ZNF843: variants seen among roughly 807,000 people sequenced by gnomAD.
The protein encoded by ZNF843 is zinc finger protein 843.
For missense variants in ZNF843, 482 were observed against 469.4 expected (o/e 1.03, Z -0.25); for synonymous variants, 185 against 207.7 (o/e 0.89, Z 0.94).
rs1259080920 is a variant in ZNF843, at chr16:31,436,891, G to T, written c.-42C>A. 1 of 1,460,984 alleles carries T rather than the reference G, an allele frequency of 6.8e-7. No homozygotes were observed. Among genetic ancestry groups the T allele is most frequent in the African/African-American group, 1.4e-5 (1 of 70,462 alleles). The allele number at this position is 1,460,984 out of a possible 1,614,324, so 90.5% of individuals were successfully genotyped here. A position where few individuals can be genotyped will look rare whatever the true frequency, so the allele number is the denominator to read the frequency against. ...ATGACCGCTCAGGGAGTAACTGTAC[G>T]GGAGGCTTTGCCGCACTTGGCGCAG... On this transcript the variant is annotated 5_prime_UTR_variant, in exon 2 of 2. Coordinates refer to ENST00000315678, the MANE Select transcript of ZNF843 (RefSeq NM_001136509.3).
intron 1 of ZNF843, among the ~76,000 whole-genome samples, chr16:31,442,153 G>A (rs2082203259): frequency 6.6e-6 from 1 of 152,202 alleles, no homozygotes. Flanking sequence ...GGAGGTGTTG[G>A]CCCGCCCCTT....
At chr16:31,439,671 T>G (rs1484840400) in intron 1 of ZNF843, among the ~76,000 whole-genome samples, 1 of 152,188 alleles carries the variant, frequency 6.6e-6, no homozygotes, top group Non-Finnish European at 1.5e-5. Flanking sequence ...AAATTCCATT[T>G]CTACAAAAAG....
In ZNF843 at chr16:31,436,533, A is replaced by C; in HGVS notation, c.317T>G (p.Leu106Arg). The change falls in exon 2 of 2, where the codon CTC (leucine) becomes CGC (arginine). Residue 106 changes from leucine (L) to arginine (R), a missense_variant. Leu to Arg is a moderately radical substitution (Grantham distance 102). Transcript: ENST00000315678. ...QGFSGQLCCW[L>R]TKEHTLAEAL... ...TTCGGCCAGTGTGTGCTCCTTGGTG[A>C]GCCAGCAGCAGAGCTGGCCGCTAAA... 6.5e-7 allele frequency: 1 copy of C among 1,549,848 alleles called. No homozygotes were observed. The highest frequency in any genetic ancestry group is 2.4e-5 in the East Asian group (1 of 40,860).
rs2082205930 is a variant in ZNF843 at position 31,442,710 on chromosome 16, C to G, written c.-410G>C. On this transcript the variant is annotated 5_prime_UTR_variant, in exon 1 of 2. Coordinates refer to ENST00000315678, the MANE Select transcript of ZNF843 (RefSeq NM_001136509.3). The stretch of plus-strand genomic sequence containing the variant: ...GGCCGAGCCGGGAGCGCCCCTGCCC[C>G]GCGAGCCGCCCCCGAGAGACACGGC... The G allele has an allele frequency of 6.6e-6, 1 of 152,208 alleles. No homozygotes were observed. Among genetic ancestry groups the G allele is most frequent in the African/African-American group, 2.4e-5 (1 of 41,438 alleles). The allele number at this position is 152,208 out of a possible 1,614,324, so 9.4% of individuals were successfully genotyped here.
At chr16:31,438,061 T>C (rs2082189610) in intron 1 of ZNF843, among the ~76,000 whole-genome samples, 1 of 152,212 alleles carries the variant, frequency 6.6e-6, no homozygotes, top group South Asian at 2.1e-4. Flanking sequence ...CTCATGCCTA[T>C]AATCCTAGCA....
intron 1 of ZNF843, among the ~76,000 whole-genome samples, chr16:31,440,194 T>G (rs376697396): frequency 6.6e-5 from 10 of 152,270 alleles, no homozygotes; most frequent in African/African-American, 2.4e-4. Context: ...GGTAAAAAAA[T>G]TTTTGGCTCC....
At position 31,436,886 on chromosome 16, in the gene ZNF843, T is replaced by G. The variant is rs1221501982; in HGVS notation, c.-37A>C. ...CGGAGATGACCGCTCAGGGAGTAAC[T>G]GTACGGGAGGCTTTGCCGCACTTGG... On this transcript the variant is annotated 5_prime_UTR_variant, in exon 2 of 2. Transcript: ENST00000315678. 1 of 1,468,594 alleles carries G rather than the reference T, an allele frequency of 6.8e-7. No homozygotes were observed. The highest frequency in any genetic ancestry group is 1.4e-5 in the African/African-American group (1 of 70,532). The allele number at this position is 1,468,594 out of a possible 1,614,324, so 91.0% of individuals were successfully genotyped here. A position where few individuals can be genotyped will look rare whatever the true frequency, so the allele number is the denominator to read the frequency against.
In ZNF843 at chr16:31,435,759, G is replaced by A. The variant is rs949421771; in HGVS notation, c.*44C>T. On this transcript the variant is annotated 3_prime_UTR_variant, in exon 2 of 2. Coordinates refer to ENST00000315678, the MANE Select transcript of ZNF843 (RefSeq NM_001136509.3). The stretch of plus-strand genomic sequence containing the variant: ...CTGCATCTCAGATCCACAGTCCACC[G>A]GCGGCTGCAACAATTCCACCCAGGG... The A allele has an allele frequency of 2.8e-6, 4 of 1,433,660 alleles. No individual in the cohort carries two copies. 88.8% of individuals were successfully genotyped at this position (1,433,660 alleles called of 1,614,324 possible).
rs760645914 is a variant in ZNF843 at position 31,436,313 on chromosome 16, C to G, written c.537G>C (p.Glu179Asp). ...CTGAGCTGGGTGCGAGGCTGACGCT[C>G]TCCACGCTCCCACCCCTGCAGGTCT... ...GEKTCRGGSV[E>D]SVSLAPSSVA... The change falls in exon 2 of 2, where the codon GAG becomes GAC. Residue 179 changes from glutamate to aspartate, a missense_variant. Physicochemically the swap from Glu to Asp is conservative, Grantham distance 45. Coordinates refer to ENST00000315678, the MANE Select transcript of ZNF843 (RefSeq NM_001136509.3). 3.9e-6 allele frequency: 6 copies of G among 1,547,612 alleles called. No individual in the cohort carries two copies. In the Admixed American group the frequency reaches 9.8e-5, roughly 25 times the overall value.
Position 31,436,466 on chromosome 16 carries a change from C to T in ZNF843, c.384G>A (p.Pro128=), listed in dbSNP as rs1178400671. ...LSPVPAGFWG[P]VEADRPPANS... The stretch of plus-strand genomic sequence containing the variant: ...TCGCTGGTGGCCGATCAGCTTCCAC[C>T]GGTCCCCAAAAACCTGCTGGTACTG... The change falls in exon 2 of 2, where the codon CCG becomes CCA. Residue 128 remains proline, a synonymous_variant. Transcript: ENST00000315678. 9.0e-6 allele frequency: 14 copies of T among 1,551,592 alleles called. No individual in the cohort carries two copies. Among genetic ancestry groups the T allele is most frequent in the East Asian group, 2.4e-5 (1 of 40,932 alleles).
In ZNF843 at chr16:31,435,887, G is replaced by GGGCGGTGGAGGAGCTC. The variant is rs1244806117; in HGVS notation, c.947_962dup (p.Asn323SerfsTer53). The GGGCGGTGGAGGAGCTC allele has an allele frequency of 2.6e-6, 4 of 1,541,220 alleles. No individual in the cohort carries two copies. The highest frequency in any genetic ancestry group is 3.5e-6 in the Non-Finnish European group (4 of 1,142,280). On this transcript the variant is annotated frameshift_variant, in exon 2 of 2. Transcript: ENST00000315678. LOFTEE classifies it low-confidence loss of function (END_TRUNC). The stretch of plus-strand genomic sequence containing the variant: ...GGGCTCCTCTCCAGTGTGGGTTCGA[G>GGGCGGTGGAGGAGCTC]GGCGGTGGAGGAGCTCGGCACTGTC...
In ZNF843 at chr16:31,437,152, G is replaced by A. The variant is rs1381910242; in HGVS notation, c.-303C>T. ...CTGCCGTGTCCAGTTCCTGCGGAAG[G>A]AAAGATTTCAGATCCCAGAGCCATC... On this transcript the variant is annotated 5_prime_UTR_variant, in exon 2 of 2. Transcript: ENST00000315678. The A allele has an allele frequency of 3.1e-6, 1 of 323,034 alleles. No individual in the cohort carries two copies. Among genetic ancestry groups the A allele is most frequent in the African/African-American group, 2.1e-5 (1 of 46,982 alleles). The allele number at this position is 323,034 out of a possible 1,614,324, so 20.0% of individuals were successfully genotyped here. A position where few individuals can be genotyped will look rare whatever the true frequency, so the allele number is the denominator to read the frequency against.
intron 1 of ZNF843, among the ~76,000 whole-genome samples, chr16:31,438,634 CCTCCCACTGAG>C (rs1346393579): frequency 6.6e-6 from 1 of 152,080 alleles, no homozygotes; most frequent in Non-Finnish European, 1.5e-5. Context: ...CAGGACCTGA[CCTCCCACTGAG>C]CTCCAAGCCT....
In ZNF843 at chr16:31,435,954, C is replaced by G. The variant is rs563212163; in HGVS notation, c.896G>C (p.Arg299Thr). The G allele has an allele frequency of 2.2e-4, 340 of 1,538,662 alleles. No homozygotes were observed. The highest frequency in any genetic ancestry group is 2.9e-4 in the Non-Finnish European group (327 of 1,140,654). The change falls in exon 2 of 2, where the codon AGA becomes ACA. Residue 299 changes from arginine to threonine, a missense_variant. Transcript: ENST00000315678. ...PEPARKASQH[R>T]AAGPLGEARA... ...GGCCTCGCCGAGCGGTCCGGCCGCT[C>G]TGTGCTGCGAGGCCTTCCGGGCTGG...
intron 1 of ZNF843, among the ~76,000 whole-genome samples, chr16:31,441,867 GA>G (rs2082202237): frequency 6.6e-6 from 1 of 152,202 alleles, no homozygotes; most frequent in African/African-American, 2.4e-5. Flanking sequence ...AATGTCACAA[GA>G]TAAATTTTAA....
intron 1 of ZNF843, among the ~76,000 whole-genome samples, chr16:31,438,614 G>T (rs1222101424): frequency 6.6e-6 from 1 of 151,938 alleles, no homozygotes; most frequent in Non-Finnish European, 1.5e-5. Context: ...CGGATACTTG[G>T]CTCTTATCTC....
chr16:31,436,511 G>A lies in ZNF843; in HGVS notation c.339C>T (p.Ala113=), dbSNP rs764834122. The A allele has an allele frequency of 1.3e-6, 2 of 1,551,132 alleles. No homozygotes were observed. Among genetic ancestry groups the A allele is most frequent in the East Asian group, 2.4e-5 (1 of 40,908 alleles). Residue 113 remains alanine, a synonymous_variant, in exon 2 of 2, where the codon GCC becomes GCT. Coordinates refer to ENST00000315678, the MANE Select transcript of ZNF843 (RefSeq NM_001136509.3). Reference sequence around the variant, plus strand: ...GTACTGGGGACAGACGCAGGGCTTCGGCCAGTGTGTGCTCCTTGGTGAGCC... The same window carrying A: ...GTACTGGGGACAGACGCAGGGCTTCAGCCAGTGTGTGCTCCTTGGTGAGCC... The part of the protein sequence containing the change: ...CCWLTKEHTL[A]EALRLSPVPA...
In ZNF843 at chr16:31,436,761, C is replaced by T. The variant is rs1423651295; in HGVS notation, c.89G>A (p.Arg30His). Residue 30 changes from arginine to histidine, a missense_variant, in exon 2 of 2, where the codon CGT becomes CAT. Physicochemically the swap from Arg to His is conservative, Grantham distance 29 (BLOSUM62 0). Transcript: ENST00000315678. Reference protein sequence around the residue: ...CCSTGRFTQGRQPCKCKACGR... With the variant: ...CCSTGRFTQGHQPCKCKACGR... ...GCAGGCCTTGCACTTGCAGGGCTGA[C>T]GGCCCTGGGTGAATCTGCCGGTGCT... The T allele has an allele frequency of 6.4e-7, 1 of 1,551,792 alleles. No individual in the cohort carries two copies.
Position 31,435,918 on chromosome 16 carries a change from A to C in ZNF843, c.932T>G (p.Leu311Arg), listed in dbSNP as rs1331318873. The C allele has an allele frequency of 2.6e-6, 4 of 1,544,818 alleles. No individual in the cohort carries two copies. The South Asian group carries it at 3.6e-5, about 14-fold the overall frequency. Residue 311 changes from leucine to arginine, a missense_variant, in exon 2 of 2, where the codon CTT (leucine) becomes CGT (arginine). Transcript: ENST00000315678. ...AGPLGEARAR[L>R]QRQCRAPPPP... The stretch of plus-strand genomic sequence containing the variant: ...TGGAGGAGCTCGGCACTGTCGCTGA[A>C]GCCTGGCCCTGGCCTCGCCGAGCGG...
Sources: allele counts gnomAD v4.1 joint callset (sites outside exome capture counted in the v4.1 genomes callset), GRCh38; gene constraint gnomAD v4.1.1; transcripts MANE v1.5; gene names NCBI Gene and HGNC (gene_info 2026-07-23, HGNC 2026-07-21).